ATRNL1: variants seen among roughly 807,000 people sequenced by gnomAD.
ATRNL1 encodes the protein attractin-like protein 1.
ATRNL1 carries 95 observed loss-of-function variants against 182.7 expected under a neutral mutation model. That is an observed-to-expected ratio of 0.52 (90% CI 0.44 to 0.62). ATRNL1 has a LOEUF of 0.62. ATRNL1 is among the 20% of genes least tolerant of loss of function. The pLI is 0.00. For missense variants in ATRNL1, 1,471 were observed against 1,679.5 expected (o/e 0.88, Z 2.17); for synonymous variants, 576 against 568.3 (o/e 1.01, Z -0.19).
At chr10:115,400,777 C>G (rs116125448) in intron 20 of ATRNL1, among the ~76,000 whole-genome samples, 1,781 of 151,936 alleles carry the variant, frequency 0.012, 33 homozygotes, top group African/African-American at 0.04. Context: ...GCTTTTTTCT[C>G]TTTTTCATTT....
chr10:115,386,196 T>C (rs781868911), intron 19 of ATRNL1, among the ~76,000 whole-genome samples: 2 of 152,234 alleles, frequency 1.3e-5, no homozygotes, highest in South Asian at 4.1e-4. Flanking sequence ...GCATGGCATA[T>C]CTATTTATTT....
At chr10:115,674,449 T>G (rs1248166509) in intron 26 of ATRNL1, among the ~76,000 whole-genome samples, 1 of 152,142 alleles carries the variant, frequency 6.6e-6, no homozygotes, top group East Asian at 1.9e-4. Context: ...GGCCTATTCT[T>G]GAATAATATA....
chr10:115,582,398 C>T (rs1420512373), intron 26 of ATRNL1, among the ~76,000 whole-genome samples: 24 of 140,400 alleles, frequency 1.7e-4, no homozygotes, highest in African/African-American at 5.7e-4. Context: ...ACATCCTCTC[C>T]AGCACCTGTT....
chr10:115,777,956 G>A (rs529072337), intron 27 of ATRNL1, among the ~76,000 whole-genome samples: 1 of 152,250 alleles, frequency 6.6e-6, no homozygotes, highest in Non-Finnish European at 1.5e-5. Context: ...GCCTATTTAA[G>A]CCCTTTGGAA....
In ATRNL1 at chr10:115,938,174, TATTA is replaced by T. The variant is rs1163697590; in HGVS notation, c.4019-6480_4019-6477del. On this transcript the variant is annotated intron_variant, in intron 28 of 28. Coordinates refer to ENST00000355044, the MANE Select transcript of ATRNL1 (RefSeq NM_207303.4). ...ATGTGCAGTATTTTATTACTGTACT[TATTA>T]ATTGTTCTGCATAATTGTAAAAAAC... Among the ~76,000 whole-genome samples, 4 of 152,360 alleles carry T rather than the reference TATTA, an allele frequency of 2.6e-5. No homozygotes were observed. The East Asian group carries it at 5.8e-4, about 22-fold the overall frequency.
intron 26 of ATRNL1, among the ~76,000 whole-genome samples, chr10:115,652,368 A>C (rs7084607): frequency 0.012 from 1,774 of 152,202 alleles, 36 homozygotes; most frequent in African/African-American, 0.04. Flanking sequence ...ACTGAATTCA[A>C]TGTGAGTTAA....
intron 10 of ATRNL1, among the ~76,000 whole-genome samples, chr10:115,256,192 G>A (rs1277769702): frequency 6.6e-6 from 1 of 152,114 alleles, no homozygotes; most frequent in Non-Finnish European, 1.5e-5. Context: ...CTATTGATTG[G>A]GATAGTTTCA....
intron 26 of ATRNL1, among the ~76,000 whole-genome samples, chr10:115,660,345 G>A (rs1860605032): frequency 6.6e-6 from 1 of 152,132 alleles, no homozygotes; most frequent in East Asian, 1.9e-4. Context: ...TAGAGAAGGT[G>A]AACTGTGAGC....
chr10:115,186,791 G>A (rs1554888835), intron 8 of ATRNL1, among the ~76,000 whole-genome samples: 1 of 152,008 alleles, frequency 6.6e-6, no homozygotes, highest in Non-Finnish European at 1.5e-5. Flanking sequence ...AGTGACTATA[G>A]TGAACAACAG....
chr10:115,600,311 T>C (rs1856522019), intron 26 of ATRNL1, among the ~76,000 whole-genome samples: 1 of 152,200 alleles, frequency 6.6e-6, no homozygotes, highest in South Asian at 2.1e-4. Flanking sequence ...TGTTTGATTT[T>C]ATTAGAAAAT....
chr10:115,574,115 G>T (rs1854567006), intron 26 of ATRNL1, among the ~76,000 whole-genome samples: 1 of 151,680 alleles, frequency 6.6e-6, no homozygotes, highest in Non-Finnish European at 1.5e-5. Flanking sequence ...ACGATAAAAA[G>T]CAAACTAGCA....
chr10:115,942,044 A>G (rs1200794939), intron 28 of ATRNL1, among the ~76,000 whole-genome samples: 1 of 152,198 alleles, frequency 6.6e-6, no homozygotes, highest in Non-Finnish European at 1.5e-5. Flanking sequence ...AAATCTGTAA[A>G]TTTATCAGCT....
At chr10:115,522,972 C>A (rs1554985639) in intron 25 of ATRNL1, among the ~76,000 whole-genome samples, 1 of 152,224 alleles carries the variant, frequency 6.6e-6, no homozygotes, top group Non-Finnish European at 1.5e-5. Context: ...ACTAGGCAAT[C>A]CCTGGTGGGT....
chr10:115,096,365 T>G (rs2085010680), intron 1 of ATRNL1, among the ~76,000 whole-genome samples: 1 of 152,220 alleles, frequency 6.6e-6, no homozygotes, highest in African/African-American at 2.4e-5. Context: ...GGATTATGTA[T>G]AGTAGAAAAG....
chr10:115,240,514 A>C (rs905157701), intron 9 of ATRNL1, among the ~76,000 whole-genome samples: 12 of 151,984 alleles, frequency 7.9e-5, no homozygotes, highest in African/African-American at 2.7e-4. Flanking sequence ...TTGGCCTCTC[A>C]AAGTGCTGGA....
chr10:115,559,450 G>GCGCGCACGCA (rs1554998460), intron 26 of ATRNL1, among the ~76,000 whole-genome samples: 2 of 128,562 alleles, frequency 1.6e-5, no homozygotes, highest in Non-Finnish European at 3.3e-5. Context: ...GTGTGCGCGC[G>GCGCGCACGCA]CGCACGCACG....
intron 26 of ATRNL1, among the ~76,000 whole-genome samples, chr10:115,646,669 A>T (rs1159446201): frequency 6.6e-6 from 1 of 151,274 alleles, no homozygotes; most frequent in Non-Finnish European, 1.5e-5. Flanking sequence ...ATATTTTATT[A>T]AAAGCCCTCC....
intron 27 of ATRNL1, among the ~76,000 whole-genome samples, chr10:115,833,621 T>A (rs1454083246): frequency 1.3e-5 from 2 of 152,238 alleles, no homozygotes; most frequent in South Asian, 2.1e-4. Flanking sequence ...AAATGCTTTG[T>A]AAGTATCAAT....
chr10:115,290,562 G>A (rs1028740998), intron 15 of ATRNL1, among the ~76,000 whole-genome samples: 20 of 152,220 alleles, frequency 1.3e-4, no homozygotes, highest in African/African-American at 4.8e-4. Flanking sequence ...AGGCTGAGGC[G>A]GGAGAATTGC....
Sources: allele counts gnomAD v4.1 joint callset (sites outside exome capture counted in the v4.1 genomes callset), GRCh38; gene constraint gnomAD v4.1.1; transcripts MANE v1.5; gene names NCBI Gene and HGNC (gene_info 2026-07-23, HGNC 2026-07-21).